UNC5C: variants seen among roughly 807,000 people sequenced by gnomAD.
UNC5C encodes the protein netrin receptor UNC5C.
In UNC5C, 47 loss-of-function variants were observed where a neutral mutation model predicts 99.8. That is an observed-to-expected ratio of 0.47 (90% CI 0.37 to 0.60). UNC5C has a LOEUF of 0.60. Among genes scored for constraint, UNC5C ranks in the 20% least tolerant of loss-of-function variants. The pLI, the probability that UNC5C is intolerant of heterozygous loss-of-function variation, is 0.00. For synonymous variants in UNC5C, 487 were observed against 452.2 expected (o/e 1.08, Z -0.98); for missense variants, 1,062 against 1,165.9 (o/e 0.91, Z 1.30).
chr4:95,468,164 T>A (rs1363835191), intron 1 of UNC5C, among the ~76,000 whole-genome samples: 2 of 151,842 alleles, frequency 1.3e-5, no homozygotes, highest in Admixed American at 6.6e-5. Flanking sequence ...TCTTTAAAAC[T>A]TTTGTATAAA....
At position 95,216,137 on chromosome 4, in the gene UNC5C, T is replaced by C. The variant is rs1738239412; in HGVS notation, c.1720A>G (p.Lys574Glu). 3 of 1,613,188 alleles carry C rather than the reference T, an allele frequency of 1.9e-6. No homozygotes were observed. The highest frequency in any genetic ancestry group is 2.2e-5 in the South Asian group (2 of 90,926). ...VYEMYVTVHR[K>E]ETMRPPMDDS... ...AAGCATATTTACCTCATAGTTTCTT[T>C]CCTGTGTACAGTCACATACATTTCG... Residue 574 changes from lysine (K) to glutamate (E), a missense_variant, in exon 10 of 16, where the codon AAA (lysine) becomes GAA (glutamate). Coordinates refer to ENST00000453304, the MANE Select transcript of UNC5C (RefSeq NM_003728.4).
At chr4:95,468,265 G>C (rs1055360261) in intron 1 of UNC5C, among the ~76,000 whole-genome samples, 1 of 151,646 alleles carries the variant, frequency 6.6e-6, no homozygotes. Context: ...TGAATAATCA[G>C]AACCCTTCTG....
chr4:95,324,213 T>A lies in UNC5C; in HGVS notation c.346+11197A>T, dbSNP rs184437037. The stretch of plus-strand genomic sequence containing the variant: ...GCATTACATCCTGAGCTCTGCCTCC[T>A]GTCAGATCAGCAGCAGCATTAGATT... On this transcript the variant is annotated intron_variant, in intron 2 of 15. Transcript: ENST00000453304. 4.5e-3 allele frequency among the ~76,000 whole-genome samples: 682 copies of A among 152,262 alleles called. 4 individuals carry two copies. Among genetic ancestry groups the A allele is most frequent in the Admixed American group, 7.3e-3 (112 of 15,286 alleles).
intron 1 of UNC5C, among the ~76,000 whole-genome samples, chr4:95,364,308 A>G (rs985101904): frequency 6.6e-6 from 1 of 152,202 alleles, no homozygotes; most frequent in Non-Finnish European, 1.5e-5. Flanking sequence ...ATACACCAAA[A>G]TGCTGCTAAA....
intron 1 of UNC5C, among the ~76,000 whole-genome samples, chr4:95,471,397 G>C (rs918506205): frequency 6.6e-6 from 1 of 152,052 alleles, no homozygotes; most frequent in African/African-American, 2.4e-5. Context: ...TAGAAATTAC[G>C]CAGTGTTTAA....
At position 95,174,908 on chromosome 4, in the gene UNC5C, T is replaced by C. The variant is rs1241783669; in HGVS notation, c.2452-4576A>G. Among the ~76,000 whole-genome samples the C allele has an allele frequency of 3.9e-4, 59 of 150,156 alleles. 2 individuals are homozygous for C. The highest frequency in any genetic ancestry group is 3.9e-3 in the Admixed American group (59 of 15,026). ...TCTTTGTAGGTCACTCAGGACTTGC[T>C]TTATGAATCTGGGTGCTCCTGTATT... On this transcript the variant is annotated intron_variant, in intron 14 of 15. Transcript: ENST00000453304.
chr4:95,299,239 GCA>G (rs1006194711), intron 3 of UNC5C, among the ~76,000 whole-genome samples: 5 of 152,112 alleles, frequency 3.3e-5, no homozygotes, highest in African/African-American at 1.2e-4. Flanking sequence ...CCAGGGATGT[GCA>G]CACACACAGA....
intron 10 of UNC5C, among the ~76,000 whole-genome samples, chr4:95,210,089 T>C (rs1738025437): frequency 6.6e-6 from 1 of 152,076 alleles, no homozygotes; most frequent in Non-Finnish European, 1.5e-5. Flanking sequence ...GGGAGAAGGC[T>C]CCCTGCTGGG....
chr4:95,472,321 T>C (rs941119605), intron 1 of UNC5C, among the ~76,000 whole-genome samples: 3 of 152,134 alleles, frequency 2.0e-5, no homozygotes, highest in African/African-American at 7.2e-5. Context: ...GTGTCCAAAA[T>C]ATTCTTATAT....
chr4:95,245,712 C>T (rs748064185), intron 5 of UNC5C, among the ~76,000 whole-genome samples: 7 of 152,020 alleles, frequency 4.6e-5, no homozygotes, highest in South Asian at 2.1e-4. Context: ...AGTTACTTGG[C>T]GATTAGTTGA....
chr4:95,438,126 A>G (rs904322637), intron 1 of UNC5C, among the ~76,000 whole-genome samples: 14 of 152,036 alleles, frequency 9.2e-5, no homozygotes, highest in African/African-American at 3.1e-4. Flanking sequence ...AATCAACATA[A>G]CTAAAAATTT....
intron 7 of UNC5C, among the ~76,000 whole-genome samples, chr4:95,233,931 A>G (rs889988037): frequency 1.3e-5 from 2 of 152,082 alleles, no homozygotes; most frequent in African/African-American, 4.8e-5. Flanking sequence ...ATGAGACTCC[A>G]TCACATTTAA....
At chr4:95,294,442 C>T (rs188582045) in intron 3 of UNC5C, among the ~76,000 whole-genome samples, 1 of 152,290 alleles carries the variant, frequency 6.6e-6, no homozygotes, top group Non-Finnish European at 1.5e-5. Context: ...CTTTGTGATG[C>T]TGGCTGTGAT....
intron 3 of UNC5C, among the ~76,000 whole-genome samples, chr4:95,280,771 A>G (rs954183909): frequency 6.6e-6 from 1 of 152,176 alleles, no homozygotes; most frequent in African/African-American, 2.4e-5. Context: ...AAACCATGTC[A>G]TTATCTTACT....
At chr4:95,415,916 T>G (rs1746148323) in intron 1 of UNC5C, among the ~76,000 whole-genome samples, 1 of 142,474 alleles carries the variant, frequency 7.0e-6, no homozygotes. Flanking sequence ...AAATTGTTGT[T>G]TTTTTTTTCA....
intron 3 of UNC5C, among the ~76,000 whole-genome samples, chr4:95,282,684 A>G (rs1741102674): frequency 6.6e-6 from 1 of 152,184 alleles, no homozygotes; most frequent in African/African-American, 2.4e-5. Context: ...GAGGCCCAGC[A>G]AGACTGTGGG....
intron 14 of UNC5C, among the ~76,000 whole-genome samples, chr4:95,173,992 T>G (rs370905636): frequency 5.3e-5 from 8 of 152,126 alleles, no homozygotes; most frequent in African/African-American, 1.9e-4. Context: ...GTTGAGGAAT[T>G]TATCCATTTC....
intron 1 of UNC5C, among the ~76,000 whole-genome samples, chr4:95,504,850 C>A (rs1445056845): frequency 2.0e-5 from 3 of 151,956 alleles, no homozygotes; most frequent in Admixed American, 2.0e-4. Context: ...TCATTCATTG[C>A]AGTTTAAATT....
intron 1 of UNC5C, among the ~76,000 whole-genome samples, chr4:95,356,230 A>G (rs1744198173): frequency 6.8e-6 from 1 of 146,998 alleles, no homozygotes; most frequent in Admixed American, 6.8e-5. Context: ...AAAAAAAAAC[A>G]GATTCCTCGT....
Sources: gnomAD v4.1 joint callset for allele counts (sites outside exome capture counted in the v4.1 genomes callset) on GRCh38, gnomAD v4.1.1 for gene constraint, MANE v1.5 for transcripts, NCBI Gene and HGNC (gene_info 2026-07-23, HGNC 2026-07-21) for gene names.